PDE4A: variants seen among roughly 807,000 people sequenced by gnomAD.
PDE4A encodes phosphodiesterase 4A.
In PDE4A, 21 loss-of-function variants were observed where a neutral mutation model predicts 73.9. The ratio of observed to expected loss-of-function variants is 0.28; its 90% CI spans 0.20 to 0.41. PDE4A has a LOEUF of 0.41. Among genes scored for constraint, PDE4A ranks in the 10% least tolerant of loss-of-function variants. The pLI, the probability that PDE4A is intolerant of heterozygous loss-of-function variation, is 1.00. For synonymous variants in PDE4A, 463 were observed against 505.4 expected (o/e 0.92, Z 1.13); for missense variants, 958 against 1,211.4 (o/e 0.79, Z 3.10).
chr19:10,430,622 C>T (rs1377582357), intron 1 of PDE4A, among the ~76,000 whole-genome samples: 1 of 151,970 alleles, frequency 6.6e-6, no homozygotes, highest in East Asian at 1.9e-4. Flanking sequence ...TTAGAGCCAA[C>T]GCGGGCGGCT....
At chr19:10,417,771 C>T, upstream of PDE4A, 1 of 1,567,104 alleles carries the variant, frequency 6.4e-7, no homozygotes, top group Non-Finnish European at 8.6e-7. Flanking sequence ...CCAGCCTGAG[C>T]CCTCGGACCC....
At chr19:10,461,720 C>T in intron 12 of PDE4A, 40 bp downstream of exon 12, 1 of 1,608,384 alleles carries the variant, frequency 6.2e-7, no homozygotes, top group Non-Finnish European at 8.5e-7. Flanking sequence ...GAAAGGAAGC[C>T]TAGGAGTCGA....
At chr19:10,461,210 G>A (rs2043259704) in intron 11 of PDE4A, 107 bp downstream of exon 11, 2 of 1,428,718 alleles carry the variant, frequency 1.4e-6, no homozygotes, top group Non-Finnish European at 1.8e-6. Flanking sequence ...GCCTGGGGGC[G>A]GGGCTGGCTG....
Position 10,466,914 on chromosome 19 carries a change from C to T in PDE4A, c.1954C>T (p.Pro652Ser). 6.2e-7 allele frequency: 1 copy of T among 1,614,020 alleles called. No homozygotes were observed. Among genetic ancestry groups the T allele is most frequent in the Non-Finnish European group, 8.5e-7 (1 of 1,179,990 alleles). The stretch of plus-strand genomic sequence containing the variant: ...GGGTTTTATTGACTACATTGTGCAC[C>T]CATTGTGGGAGACCTGGGCGGACCT... ...QVGFIDYIVH[P>S]LWETWADLVH... Residue 652 changes from proline (P) to serine (S), a missense_variant, in exon 15 of 15, where the codon CCA (proline) becomes TCA (serine). Pro to Ser is a moderately conservative substitution (Grantham distance 74, BLOSUM62 -1). Transcript: ENST00000380702.
chr19:10,459,874 T>C, intron 10 of PDE4A, 115 bp downstream of exon 10: 1 of 1,228,662 alleles, frequency 8.1e-7, no homozygotes, highest in Non-Finnish European at 1.1e-6. Flanking sequence ...TTGACGCCAT[T>C]TCTCTCTCTT....
At chr19:10,419,120 C>T (rs560503308), upstream of PDE4A, 532 of 952,862 alleles carry the variant, frequency 5.6e-4, 5 homozygotes, top group African/African-American at 0.01. Context: ...CGGTGGCAAA[C>T]GGCATCGCGT....
intron 1 of PDE4A, among the ~76,000 whole-genome samples, chr19:10,444,432 A>C (rs948866895): frequency 6.0e-5 from 9 of 151,124 alleles, no homozygotes; most frequent in African/African-American, 1.9e-4. Context: ...CAGGAGGCGG[A>C]GGTTGCGGTG....
chr19:10,430,093 G>A (rs2042767484), intron 1 of PDE4A, among the ~76,000 whole-genome samples: 2 of 151,922 alleles, frequency 1.3e-5, no homozygotes, highest in South Asian at 2.1e-4. Flanking sequence ...TGAGAGTTGG[G>A]GATGATGGGG....
chr19:10,459,574 C>A (rs866724350), intron 9 of PDE4A, 21 bp from the exon 10 acceptor site: 4 of 1,612,212 alleles, frequency 2.5e-6, no homozygotes, highest in South Asian at 1.1e-5. Flanking sequence ...AGGTCACCAC[C>A]CTGCCCCTGC....
In PDE4A at chr19:10,468,690, T is replaced by C. The variant is rs1287693518; in HGVS notation, c.*1069T>C. On this transcript the variant is annotated 3_prime_UTR_variant, in exon 15 of 15. Coordinates refer to ENST00000380702, the MANE Select transcript of PDE4A (RefSeq NM_001111307.2). Reference sequence around the variant, plus strand: ...CACTCTGATCACAGCCCCCCTACCTTTTGCCCTAGGAGGAAGCAATAATGG... The same window carrying C: ...CACTCTGATCACAGCCCCCCTACCTCTTGCCCTAGGAGGAAGCAATAATGG... The C allele has an allele frequency of 6.8e-6, 1 of 147,708 alleles. No individual in the cohort carries two copies. Among genetic ancestry groups the C allele is most frequent in the Non-Finnish European group, 1.5e-5 (1 of 66,882 alleles). The allele number at this position is 147,708 out of a possible 1,614,324, so 9.1% of individuals were successfully genotyped here.
At chr19:10,463,379 C>T (rs576034877) in intron 13 of PDE4A, among the ~76,000 whole-genome samples, 3 of 150,366 alleles carry the variant, frequency 2.0e-5, no homozygotes, top group Non-Finnish European at 4.4e-5. Context: ...TGTGAGCCAC[C>T]GCGCCCAGCC....
chr19:10,422,741 G>T (rs927941745), intron 1 of PDE4A, among the ~76,000 whole-genome samples: 2 of 152,148 alleles, frequency 1.3e-5, no homozygotes, highest in African/African-American at 4.8e-5. Context: ...AAGTGTCACG[G>T]GCCCAGCATA....
At chr19:10,417,568 C>T (rs146132785), upstream of PDE4A, 2 of 1,477,748 alleles carry the variant, frequency 1.4e-6, no homozygotes, top group Admixed American at 2.2e-5. Flanking sequence ...ATTAACTACT[C>T]CCTTAGACAG....
chr19:10,466,579 T>C (rs1254850256), intron 14 of PDE4A, among the ~76,000 whole-genome samples: 2 of 151,372 alleles, frequency 1.3e-5, no homozygotes, highest in Non-Finnish European at 2.9e-5. Flanking sequence ...CTCATTGCAA[T>C]CTCCGCCTCC....
chr19:10,439,114 AC>A (rs2042902899), intron 1 of PDE4A, among the ~76,000 whole-genome samples: 1 of 152,002 alleles, frequency 6.6e-6, no homozygotes, highest in Non-Finnish European at 1.5e-5. Context: ...TTGGGGATAG[AC>A]CTAGGAGTGG....
rs2043120664 is a variant in PDE4A, at chr19:10,453,210, C to T, written c.784-1619C>T. 4.5e-6 allele frequency: 7 copies of T among 1,562,034 alleles called. No homozygotes were observed. The East Asian group carries it at 1.2e-4, about 26-fold the overall frequency. On this transcript the variant is annotated intron_variant, in intron 6 of 14. Transcript: ENST00000380702. This position sits in a 1 kb window ranked among gnomAD's most constrained non-coding sequence, Gnocchi z 4.6. ...TCCCCAGTGGTTGTTAACCCCGGGA[C>T]TCCCCAAGCCCAGCCTCTGTGTGCA...
At chr19:10,433,980 C>G (rs941618668) in intron 1 of PDE4A, among the ~76,000 whole-genome samples, 2 of 152,186 alleles carry the variant, frequency 1.3e-5, no homozygotes, top group African/African-American at 4.8e-5. Flanking sequence ...CCTGTAATCC[C>G]AGCACTTTGG....
At chr19:10,459,144 C>A in intron 8 of PDE4A, 1 of 533,170 alleles carries the variant, frequency 1.9e-6, no homozygotes, top group Non-Finnish European at 3.2e-6. Flanking sequence ...TTGGTGCCTT[C>A]ACCTGCCAAA....
Position 10,429,292 on chromosome 19 carries a change from A to G in PDE4A, c.320+8208A>G, listed in dbSNP as rs568359150. Among the ~76,000 whole-genome samples, 186 of 150,734 alleles carry G rather than the reference A, an allele frequency of 1.2e-3. 1 individual carries two copies. Among genetic ancestry groups the G allele is most frequent in the African/African-American group, 4.1e-3 (167 of 40,980 alleles). On this transcript the variant is annotated intron_variant, in intron 1 of 14. Coordinates refer to ENST00000380702, the MANE Select transcript of PDE4A (RefSeq NM_001111307.2). ...GAAGGAAGGAAGGAAGAAAGAAAGA[A>G]AGAAAGAAAGAGAGGAAGGAAAGAA...
Sources: gnomAD v4.1 joint callset for allele counts (sites outside exome capture counted in the v4.1 genomes callset) on GRCh38, gnomAD v4.1.1 for gene constraint, Gnocchi (gnomAD v3.1) non-coding constraint, MANE v1.5 for transcripts, NCBI Gene and HGNC (gene_info 2026-07-23, HGNC 2026-07-21) for gene names.